Variants in IDO2 observed in about 807,000 individuals in gnomAD.
IDO2 encodes indoleamine 2,3-dioxygenase 2.
Under a neutral mutation model 45.1 loss-of-function variants are expected in IDO2, and 46 were observed. The observed-to-expected ratio is 1.02, with a 90% CI of 0.80 to 1.30. IDO2 has a LOEUF of 1.30. IDO2 is among the 50% of genes most tolerant of loss of function. IDO2 has a pLI of 0.00. For missense variants in IDO2, 544 were observed against 491.8 expected (o/e 1.11, Z -1.00); for synonymous variants, 218 against 184.9 (o/e 1.18, Z -1.45).
intron 5 of IDO2, chr8:39,984,982 A>C: frequency 2.4e-6 from 1 of 410,998 alleles, no homozygotes; most frequent in East Asian, 7.9e-5. Flanking sequence ...CCCAGGCTGG[A>C]GTGCAGTGGC....
intron 1 of IDO2, among the ~76,000 whole-genome samples, chr8:39,943,735 C>CAAAA (rs61643070): frequency 1.1e-5 from 1 of 89,228 alleles, no homozygotes; most frequent in Non-Finnish European, 2.2e-5. Context: ...GACTCCATCT[C>CAAAA]AAAAAAAAAA....
intron 1 of IDO2, among the ~76,000 whole-genome samples, chr8:39,942,720 G>C (rs894544356): frequency 2.0e-5 from 3 of 152,202 alleles, no homozygotes; most frequent in African/African-American, 7.2e-5. Context: ...TCTGATGCCA[G>C]CTTCCAGGAA....
intron 2 of IDO2, among the ~76,000 whole-genome samples, chr8:39,958,905 A>C (rs1807945812): frequency 6.6e-6 from 1 of 152,334 alleles, no homozygotes; most frequent in South Asian, 2.1e-4. Flanking sequence ...TTAAATTATA[A>C]ATTTGTTAAG....
chr8:39,943,530 G>A (rs549768414), intron 1 of IDO2, among the ~76,000 whole-genome samples: 36 of 152,158 alleles, frequency 2.4e-4, no homozygotes, highest in African/African-American at 8.7e-4. Flanking sequence ...GAGGTCAGGA[G>A]ATCGAGACCA....
intron 4 of IDO2, among the ~76,000 whole-genome samples, chr8:39,981,090 C>G (rs2129594440): frequency 7.3e-6 from 1 of 136,308 alleles, no homozygotes; most frequent in South Asian, 2.3e-4. Context: ...GAGACGGAGT[C>G]TCACTCTGTC....
intron 5 of IDO2, among the ~76,000 whole-genome samples, chr8:39,984,222 C>T (rs1808392233): frequency 6.6e-6 from 1 of 152,190 alleles, no homozygotes; most frequent in Non-Finnish European, 1.5e-5. Context: ...TGCCTATAAT[C>T]CCAGCACATT....
intron 8 of IDO2, among the ~76,000 whole-genome samples, chr8:39,994,900 A>G (rs1802010126): frequency 6.6e-6 from 1 of 152,220 alleles, no homozygotes; most frequent in South Asian, 2.1e-4. Context: ...AGTAAATACT[A>G]AAAAACTATA....
chr8:39,968,979 G>T lies in IDO2; in HGVS notation c.195+5276G>T, dbSNP rs575739875. Among the ~76,000 whole-genome samples, 5 of 151,796 alleles carry T rather than the reference G, an allele frequency of 3.3e-5. 1 individual carries two copies. The South Asian group carries it at 1.0e-3, about 32-fold the overall frequency. Reference sequence around the variant, plus strand: ...GAGAGTGGGGAGTAGGGAAAGGAACGGACTTAAATTACTCCAGAAAATAGT... The same window carrying T: ...GAGAGTGGGGAGTAGGGAAAGGAACTGACTTAAATTACTCCAGAAAATAGT... On this transcript the variant is annotated intron_variant, in intron 3 of 10. Transcript: ENST00000502986.
chr8:39,986,952 G>C (rs1229690084), intron 6 of IDO2: 3 of 151,610 alleles, frequency 2.0e-5, no homozygotes, highest in African/African-American at 7.3e-5. Flanking sequence ...TCGGCTCTCT[G>C]CAACCTCTTG....
intron 3 of IDO2, among the ~76,000 whole-genome samples, chr8:39,970,739 T>C (rs1294989382): frequency 2.0e-5 from 3 of 151,288 alleles, no homozygotes; most frequent in African/African-American, 7.3e-5. Flanking sequence ...AACCATCTTT[T>C]ATTGGAAGAA....
intron 4 of IDO2, among the ~76,000 whole-genome samples, chr8:39,981,006 C>A (rs1314697793): frequency 2.6e-5 from 4 of 151,280 alleles, no homozygotes; most frequent in African/African-American, 9.7e-5. Flanking sequence ...CCCACCTGAG[C>A]CTCCCAAAGT....
At chr8:40,013,511 T>G (rs1403954265) in intron 9 of IDO2, 54 bp from the exon 10 acceptor site, 45 of 1,521,516 alleles carry the variant, frequency 3.0e-5, no homozygotes, top group Non-Finnish European at 3.6e-5. Flanking sequence ...TGTCAGAAAA[T>G]ATACCATTAC....
At chr8:39,952,882 C>T (rs1807832674) in intron 2 of IDO2, among the ~76,000 whole-genome samples, 1 of 152,032 alleles carries the variant, frequency 6.6e-6, no homozygotes, top group South Asian at 2.1e-4. Context: ...GATTCTCCTG[C>T]CTCAGCCTCC....
chr8:39,979,180 T>C (rs758251621), exon 4 of IDO2: 8 of 1,584,998 alleles, frequency 5.0e-6, no homozygotes, highest in Non-Finnish European at 6.9e-6. Context: ...AGGCGCAGCC[T>C]GCAGAGGTGA....
intron 9 of IDO2, among the ~76,000 whole-genome samples, chr8:40,009,002 T>C (rs1802263640): frequency 7.4e-6 from 1 of 135,302 alleles, no homozygotes; most frequent in South Asian, 2.6e-4. Context: ...TGATTTATTA[T>C]TTATATTTAT....
At chr8:40,002,889 T>C (rs1311977149) in intron 8 of IDO2, among the ~76,000 whole-genome samples, 1 of 152,186 alleles carries the variant, frequency 6.6e-6, no homozygotes, top group Non-Finnish European at 1.5e-5. Flanking sequence ...TGATTATCTA[T>C]TCAATATTTC....
intron 3 of IDO2, among the ~76,000 whole-genome samples, chr8:39,974,297 A>C (rs1300415539): frequency 1.3e-5 from 2 of 152,334 alleles, no homozygotes; most frequent in African/African-American, 4.8e-5. Flanking sequence ...TGGGAACACG[A>C]TGGTAAAAAC....
At chr8:39,950,026 T>C (rs1404491382) in intron 2 of IDO2, among the ~76,000 whole-genome samples, 1 of 145,280 alleles carries the variant, frequency 6.9e-6, no homozygotes, top group African/African-American at 2.4e-5. Flanking sequence ...GCCTAGAACA[T>C]TAAAACTATC....
At chr8:39,963,582 T>C (rs1808031788) in intron 2 of IDO2, 26 bp from the exon 3 acceptor site, 1 of 1,436,576 alleles carries the variant, frequency 7.0e-7, no homozygotes. Flanking sequence ...GTCTAAAATA[T>C]TTACATGTTT....
Sources: gnomAD v4.1 joint callset for allele counts (sites outside exome capture counted in the v4.1 genomes callset) on GRCh38, gnomAD v4.1.1 for gene constraint, MANE v1.5 for transcripts, NCBI Gene and HGNC (gene_info 2026-07-23, HGNC 2026-07-21) for gene names.